The following ALK variants were observed in gnomAD, a reference collection of about 807,000 sequenced individuals.
ALK encodes ALK receptor tyrosine kinase.
In ALK, 74 loss-of-function variants were observed where a neutral mutation model predicts 163.1. The ratio of observed to expected loss-of-function variants is 0.45; its 90% CI spans 0.38 to 0.55. The LOEUF is 0.55. Among genes scored for constraint, ALK ranks in the 20% least tolerant of loss-of-function variants. The probability of loss-of-function intolerance (pLI) is 0.00; values close to 1 mark genes in which losing one functional copy is unlikely to be tolerated. For synonymous variants in ALK, 960 were observed against 843.2 expected (o/e 1.14, Z -2.40); for missense variants, 2,063 against 2,105.3 (o/e 0.98, Z 0.39).
intron 3 of ALK, among the ~76,000 whole-genome samples, chr2:29,583,970 T>A (rs1275884218): frequency 6.6e-6 from 1 of 152,224 alleles, no homozygotes; most frequent in East Asian, 1.9e-4. Flanking sequence ...TGAACACTCT[T>A]TCCCTGGCAT....
intron 1 of ALK, among the ~76,000 whole-genome samples, chr2:29,725,784 T>A (rs146156948): frequency 6.6e-6 from 1 of 152,150 alleles, no homozygotes; most frequent in Admixed American, 6.5e-5. Context: ...AGCTACCACA[T>A]CTATGCAGGT....
At position 29,193,529 on chromosome 2, in the gene ALK, T is replaced by G. The variant is rs2148137925; in HGVS notation, c.4558A>C (p.Asn1520His). 6.2e-7 allele frequency: 1 copy of G among 1,614,174 alleles called. No individual in the cohort carries two copies. Among genetic ancestry groups the G allele is most frequent in the South Asian group, 1.1e-5 (1 of 91,090 alleles). Reference sequence around the variant, plus strand: ...TGTGGCTCCTTCTTTGCTATAGGATTATTCTTTTTGGTGGGTTTCTCTGTA... The same window carrying G: ...TGTGGCTCCTTCTTTGCTATAGGATGATTCTTTTTGGTGGGTTTCTCTGTA... ...WFTEKPTKKN[N>H]PIAKKEPHDR... Residue 1520 changes from asparagine (N) to histidine (H), a missense_variant, in exon 29 of 29, where the codon AAT becomes CAT. This residue lies in a region of ALK where 403 missense variants were observed against 366.2 expected (regional missense o/e 1.10). Transcript: ENST00000389048.
At chr2:29,366,085 AT>A (rs1349849493) in intron 5 of ALK, among the ~76,000 whole-genome samples, 1 of 152,186 alleles carries the variant, frequency 6.6e-6, no homozygotes, top group African/African-American at 2.4e-5. Context: ...GATATGGACT[AT>A]TTGAGAGTGA....
chr2:29,460,749 C>T (rs1263070426), intron 4 of ALK, among the ~76,000 whole-genome samples: 1 of 152,084 alleles, frequency 6.6e-6, no homozygotes, highest in African/African-American at 2.4e-5. Flanking sequence ...CCTTGAGACA[C>T]ATCATATTTA....
At chr2:29,229,389 C>A (rs1305472260) in intron 15 of ALK, among the ~76,000 whole-genome samples, 1 of 152,214 alleles carries the variant, frequency 6.6e-6, no homozygotes, top group African/African-American at 2.4e-5. Context: ...AGACAGGCAG[C>A]ATGGCGACTA....
chr2:29,302,663 G>A (rs1666403882), intron 8 of ALK, among the ~76,000 whole-genome samples: 1 of 152,178 alleles, frequency 6.6e-6, no homozygotes, highest in African/African-American at 2.4e-5. Context: ...AGAAATAGAT[G>A]CAAAAGGCCT....
rs979930842 is a variant in ALK at position 29,552,645 on chromosome 2, A to G, written c.953-20529T>C. 2.0e-4 allele frequency among the ~76,000 whole-genome samples: 30 copies of G among 152,204 alleles called. 2 individuals are homozygous for G. The highest frequency in any genetic ancestry group is 1.8e-3 in the Admixed American group (27 of 15,276). Reference sequence around the variant, plus strand: ...TTTTATGTGCTTATTGGTCATTTGCATATCTTCCCTGGAGAAATGTCTACT... The same window carrying G: ...TTTTATGTGCTTATTGGTCATTTGCGTATCTTCCCTGGAGAAATGTCTACT... On this transcript the variant is annotated intron_variant, in intron 3 of 28. Coordinates refer to ENST00000389048, the MANE Select transcript of ALK (RefSeq NM_004304.5).
chr2:29,619,843 G>A (rs1050521206), intron 3 of ALK, among the ~76,000 whole-genome samples: 2 of 152,324 alleles, frequency 1.3e-5, no homozygotes, highest in Non-Finnish European at 2.9e-5. Context: ...ACAATGGGAA[G>A]GATGGAGCGG....
intron 3 of ALK, among the ~76,000 whole-genome samples, chr2:29,639,842 G>A (rs1204197874): frequency 6.6e-6 from 1 of 152,212 alleles, no homozygotes; most frequent in Non-Finnish European, 1.5e-5. Flanking sequence ...GTCGTGAACA[G>A]CATCTTCGAC....
At chr2:29,623,648 C>T (rs887831020) in intron 3 of ALK, among the ~76,000 whole-genome samples, 2 of 152,116 alleles carry the variant, frequency 1.3e-5, no homozygotes, top group East Asian at 3.9e-4. Flanking sequence ...GAATTTAAAC[C>T]CAAGACAGCC....
chr2:29,667,861 G>T (rs566788418), intron 3 of ALK, among the ~76,000 whole-genome samples: 1 of 152,110 alleles, frequency 6.6e-6, no homozygotes, highest in South Asian at 2.1e-4. Context: ...AGCAAAATTG[G>T]TATTAATTCT....
Position 29,462,045 on chromosome 2 carries a change from G to T in ALK, c.1154+69870C>A, listed in dbSNP as rs964805973. Among the ~76,000 whole-genome samples, 10 of 152,296 alleles carry T rather than the reference G, an allele frequency of 6.6e-5. No homozygotes were observed. The East Asian group carries it at 1.9e-3, about 29-fold the overall frequency. ...TTCATTGGAGAAAGCAACTGCAGGT[G>T]TGGTAGAAACAGCCAGAGAAGTAGA... On this transcript the variant is annotated intron_variant, in intron 4 of 28. Coordinates refer to ENST00000389048, the MANE Select transcript of ALK (RefSeq NM_004304.5).
chr2:29,608,967 C>T (rs1388782500), intron 3 of ALK, among the ~76,000 whole-genome samples: 1 of 152,174 alleles, frequency 6.6e-6, no homozygotes, highest in Admixed American at 6.5e-5. Flanking sequence ...CTCTGTCATT[C>T]AGGCTGGGTG....
At chr2:29,250,461 C>G (rs866669862) in intron 12 of ALK, among the ~76,000 whole-genome samples, 1 of 152,280 alleles carries the variant, frequency 6.6e-6, no homozygotes, top group Admixed American at 6.5e-5. Flanking sequence ...TCTCAGCCCC[C>G]ACTCCAGACC....
intron 5 of ALK, among the ~76,000 whole-genome samples, chr2:29,381,737 G>A (rs1476560482): frequency 6.6e-6 from 1 of 152,130 alleles, no homozygotes; most frequent in African/African-American, 2.4e-5. Flanking sequence ...CTTAACCAAA[G>A]CAATGACCCC....
intron 1 of ALK, among the ~76,000 whole-genome samples, chr2:29,825,869 G>A (rs974182469): frequency 1.3e-5 from 2 of 152,112 alleles, no homozygotes; most frequent in African/African-American, 4.8e-5. Context: ...ATACTGAGAA[G>A]TTAGAATCAA....
chr2:29,327,246 G>A lies in ALK; in HGVS notation c.1414+1104C>T, dbSNP rs369650168. ...ATTTGTTTTCCCCTATGGAGTCCAA[G>A]TTTCCCAACTCATTCTTTCCTCTCA... On this transcript the variant is annotated intron_variant, in intron 6 of 28. Transcript: ENST00000389048. Among the ~76,000 whole-genome samples the A allele has an allele frequency of 3.7e-4, 56 of 152,250 alleles. No homozygotes were observed. The East Asian group carries it at 9.7e-3, about 26-fold the overall frequency.
intron 4 of ALK, among the ~76,000 whole-genome samples, chr2:29,494,843 C>CGTGTGTGTGTGT (rs35306598): frequency 0.021 from 3,069 of 147,274 alleles, 49 homozygotes; most frequent in Non-Finnish European, 0.027. Flanking sequence ...TTTAGAGACT[C>CGTGTGTGTGTGT]GTGTGTGTGT....
chr2:29,792,982 C>T (rs992807961), intron 1 of ALK, among the ~76,000 whole-genome samples: 1 of 152,078 alleles, frequency 6.6e-6, no homozygotes, highest in Non-Finnish European at 1.5e-5. Flanking sequence ...ATTGACTCTT[C>T]CTTTCATGAA....
Sources: allele counts gnomAD v4.1 joint callset (sites outside exome capture counted in the v4.1 genomes callset), GRCh38; gene constraint gnomAD v4.1.1; regional missense constraint gnomAD v4.1.1; transcripts MANE v1.5; gene names NCBI Gene and HGNC (gene_info 2026-07-23, HGNC 2026-07-21).